The following SLC8A3 variants were observed in gnomAD, a reference collection of about 807,000 sequenced individuals.
SLC8A3 encodes the protein sodium/calcium exchanger 3.
In SLC8A3, 37 loss-of-function variants were observed where a neutral mutation model predicts 65.4. The observed-to-expected ratio is 0.57, with a 90% CI of 0.44 to 0.74. SLC8A3 has a LOEUF of 0.74. Among genes scored for constraint, SLC8A3 ranks in the 30% least tolerant of loss-of-function variants. The probability of loss-of-function intolerance (pLI) is 0.00; values close to 1 mark genes in which losing one functional copy is unlikely to be tolerated. For synonymous variants in SLC8A3, 461 were observed against 444.5 expected (o/e 1.04, Z -0.47); for missense variants, 1,112 against 1,172.1 (o/e 0.95, Z 0.75).
intron 3 of SLC8A3, among the ~76,000 whole-genome samples, chr14:70,058,254 G>C (rs1273270663): frequency 6.6e-6 from 1 of 152,128 alleles, no homozygotes; most frequent in Non-Finnish European, 1.5e-5. Context: ...AATTTCCACT[G>C]TTCTGTTTCT....
At chr14:70,130,004 T>C (rs1894714690) in intron 2 of SLC8A3, among the ~76,000 whole-genome samples, 1 of 152,234 alleles carries the variant, frequency 6.6e-6, no homozygotes, top group Admixed American at 6.5e-5. Flanking sequence ...TCTTCCATAG[T>C]CACCAGCAGT....
At chr14:70,056,210 T>C (rs1888098433) in intron 3 of SLC8A3, among the ~76,000 whole-genome samples, 1 of 152,208 alleles carries the variant, frequency 6.6e-6, no homozygotes, top group Non-Finnish European at 1.5e-5. Context: ...ATGAAAACTG[T>C]GTAAGTTGCA....
intron 2 of SLC8A3, among the ~76,000 whole-genome samples, chr14:70,105,568 C>T (rs957558656): frequency 8.5e-5 from 13 of 152,082 alleles, no homozygotes; most frequent in African/African-American, 3.1e-4. Context: ...AATATAAGTA[C>T]TATGTATTAA....
At chr14:70,142,180 TCAAC>T (rs1297364862) in intron 2 of SLC8A3, among the ~76,000 whole-genome samples, 8 of 152,338 alleles carry the variant, frequency 5.3e-5, no homozygotes, top group African/African-American at 1.4e-4. Flanking sequence ...GGGTGACCAT[TCAAC>T]CAATTCATGT....
At chr14:70,174,657 T>TTTTTTTTTG (rs1897764442) in intron 1 of SLC8A3, among the ~76,000 whole-genome samples, 5 of 51,506 alleles carry the variant, frequency 9.7e-5, no homozygotes, top group African/African-American at 2.9e-4. Context: ...ATCCGTTTTT[T>TTTTTTTTTG]TTTTGTTTTT....
chr14:70,063,388 A>G (rs1390631433), intron 2 of SLC8A3, among the ~76,000 whole-genome samples: 8 of 152,178 alleles, frequency 5.3e-5, no homozygotes, highest in African/African-American at 9.7e-5. Flanking sequence ...TAACTGCCCC[A>G]TGGAAATTTG....
intron 2 of SLC8A3, among the ~76,000 whole-genome samples, chr14:70,086,780 G>T (rs1376101721): frequency 6.6e-6 from 1 of 151,904 alleles, no homozygotes; most frequent in Non-Finnish European, 1.5e-5. Flanking sequence ...GGCTATTTTT[G>T]CTGGAATCTC....
At chr14:70,110,016 C>T (rs73276724) in intron 2 of SLC8A3, among the ~76,000 whole-genome samples, 2 of 151,796 alleles carry the variant, frequency 1.3e-5, no homozygotes, top group African/African-American at 2.4e-5. Context: ...AATACATCTA[C>T]TTTTGTTCTT....
In SLC8A3 at chr14:70,088,423, T is replaced by C. The variant is rs539822748; in HGVS notation, c.1785-27484A>G. On this transcript the variant is annotated intron_variant, in intron 2 of 6. Transcript: ENST00000356921. ...TGAGAGCTGTGTCAGCTAGGATAAC[T>C]CTCTCTGCTACTCTCAGGTAACGGC... Among the ~76,000 whole-genome samples the C allele has an allele frequency of 2.6e-5, 4 of 152,260 alleles. No homozygotes were observed. In the East Asian group the frequency reaches 5.8e-4, roughly 22 times the overall value.
intron 2 of SLC8A3, among the ~76,000 whole-genome samples, chr14:70,151,433 A>C (rs1296311818): frequency 5.3e-5 from 8 of 152,156 alleles, no homozygotes; most frequent in Admixed American, 5.2e-4. Flanking sequence ...GGAATTCAAA[A>C]GGTTTACAAT....
At chr14:70,102,001 T>C (rs1195744906) in intron 2 of SLC8A3, among the ~76,000 whole-genome samples, 1 of 152,148 alleles carries the variant, frequency 6.6e-6, no homozygotes, top group Non-Finnish European at 1.5e-5. Flanking sequence ...CATCAAATAT[T>C]GAGAGGGCCC....
chr14:70,082,256 A>C (rs1362594368), intron 2 of SLC8A3, among the ~76,000 whole-genome samples: 1 of 152,100 alleles, frequency 6.6e-6, no homozygotes, highest in Non-Finnish European at 1.5e-5. Context: ...TAAAAATATC[A>C]GATTTCAATT....
intron 2 of SLC8A3, among the ~76,000 whole-genome samples, chr14:70,102,592 T>C (rs1892615446): frequency 6.6e-6 from 1 of 152,270 alleles, no homozygotes; most frequent in South Asian, 2.1e-4. Flanking sequence ...AAGAACCTAA[T>C]ATTGTGGTCA....
intron 2 of SLC8A3, among the ~76,000 whole-genome samples, chr14:70,069,611 C>G (rs1370396494): frequency 6.6e-6 from 1 of 152,072 alleles, no homozygotes; most frequent in African/African-American, 2.4e-5. Flanking sequence ...GTGTCACTGC[C>G]CCATCTCTTC....
chr14:70,101,886 C>T (rs1892574857), intron 2 of SLC8A3, among the ~76,000 whole-genome samples: 1 of 152,068 alleles, frequency 6.6e-6, no homozygotes. Context: ...AGTTTAGCTC[C>T]CCTGAGAAGG....
intron 1 of SLC8A3, among the ~76,000 whole-genome samples, chr14:70,177,711 C>T (rs1004894481): frequency 4.6e-5 from 7 of 152,148 alleles, no homozygotes; most frequent in East Asian, 1.9e-4. Flanking sequence ...AGTGAGGAAT[C>T]GCTGGTAAGA....
rs189166431 is a variant in SLC8A3, at chr14:70,048,476, A to T, written c.2389+291T>A. On this transcript the variant is annotated intron_variant, in intron 6 of 6. Coordinates refer to ENST00000356921, the MANE Select transcript of SLC8A3 (RefSeq NM_182932.3). ...CAGTTTCTTTGTCTGTGAAGTGGGG[A>T]TAATAACTTACCCTATTTAATAGGG... 214 of 601,822 alleles carry T rather than the reference A, an allele frequency of 3.6e-4. 2 individuals carry two copies. The highest frequency in any genetic ancestry group is 3.4e-3 in the African/African-American group (183 of 54,132). 37.3% of individuals were successfully genotyped at this position (601,822 alleles called of 1,614,324 possible).
chr14:70,081,327 A>G (rs1336516532), intron 2 of SLC8A3, among the ~76,000 whole-genome samples: 1 of 152,038 alleles, frequency 6.6e-6, no homozygotes, highest in Non-Finnish European at 1.5e-5. Flanking sequence ...TTTTCTTTGG[A>G]CAAGCACCCA....
chr14:70,071,417 A>G (rs1890002784), intron 2 of SLC8A3, among the ~76,000 whole-genome samples: 1 of 152,356 alleles, frequency 6.6e-6, no homozygotes, highest in Non-Finnish European at 1.5e-5. Flanking sequence ...CCAGAAAGAT[A>G]CGAGCCACAA....
Sources: allele counts gnomAD v4.1 joint callset (sites outside exome capture counted in the v4.1 genomes callset), GRCh38; gene constraint gnomAD v4.1.1; transcripts MANE v1.5; gene names NCBI Gene and HGNC (gene_info 2026-07-23, HGNC 2026-07-21).